NUP188: variants seen among roughly 807,000 people sequenced by gnomAD.
NUP188 encodes nucleoporin NUP188.
In NUP188, 97 loss-of-function variants were observed where a neutral mutation model predicts 223.0. That is an observed-to-expected ratio of 0.43 (90% CI 0.37 to 0.51). The LOEUF is 0.51. NUP188 is among the 20% of genes least tolerant of loss of function. The pLI, the probability that NUP188 is intolerant of heterozygous loss-of-function variation, is 0.00. For missense variants in NUP188, 1,947 were observed against 2,175.6 expected (o/e 0.89, Z 2.09); for synonymous variants, 869 against 828.0 (o/e 1.05, Z -0.85).
In NUP188 at chr9:128,999,766, C is replaced by A; in HGVS notation, c.3804C>A (p.Asp1268Glu). The change falls in exon 34 of 44, where the codon GAC (aspartate) becomes GAA (glutamate). Residue 1268 changes from aspartate to glutamate, a missense_variant. Physicochemically the swap from Asp to Glu is conservative, Grantham distance 45. Transcript: ENST00000372577. ...AGGACAAGGACAGCATGGAGACTGA[C>A]GACTGTTCTCGGTCCCGGCACAGGG... ...ATEDKDSMET[D>E]DCSRSRHRDQ... The A allele has an allele frequency of 6.2e-7, 1 of 1,614,206 alleles. No homozygotes were observed. The highest frequency in any genetic ancestry group is 1.1e-5 in the South Asian group (1 of 91,080).
chr9:129,006,964 G>A lies in NUP188; in HGVS notation c.*286G>A, dbSNP rs8206. 6,216 of 341,282 alleles carry A rather than the reference G, an allele frequency of 0.018. 72 individuals are homozygous for A. Among genetic ancestry groups the A allele is most frequent in the South Asian group, 0.031 (386 of 12,628 alleles). The allele number at this position is 341,282 out of a possible 1,614,324, so 21.1% of individuals were successfully genotyped here. On this transcript the variant is annotated 3_prime_UTR_variant, in exon 44 of 44. Coordinates refer to ENST00000372577, the MANE Select transcript of NUP188 (RefSeq NM_015354.3). Reference sequence around the variant, plus strand: ...TTCCAGCATTCCCCACAGCACTGCCGGCCAGGGGAGAGGCGGCAGCCCAGC... The same window carrying A: ...TTCCAGCATTCCCCACAGCACTGCCAGCCAGGGGAGAGGCGGCAGCCCAGC...
intron 19 of NUP188, 63 bp downstream of exon 19, chr9:128,983,613 T>A: frequency 9.4e-7 from 1 of 1,061,324 alleles, no homozygotes; most frequent in Non-Finnish European, 1.4e-6. Flanking sequence ...GTCTCAGATC[T>A]AGCCTAGGTT....
At chr9:129,002,108 T>A in intron 36 of NUP188, 132 bp downstream of exon 36, 1 of 709,888 alleles carries the variant, frequency 1.4e-6, no homozygotes, top group Non-Finnish European at 2.4e-6. Context: ...TGAGGAATCT[T>A]CCCTGCCCCC....
At chr9:129,005,935 G>C in intron 41 of NUP188, 115 bp from the exon 42 acceptor site, 3 of 1,420,224 alleles carry the variant, frequency 2.1e-6, no homozygotes, top group Non-Finnish European at 2.9e-6. Context: ...ATTACTGTGA[G>C]GATTAAATGA....
At position 128,947,742 on chromosome 9, in the gene NUP188, C is replaced by T. The variant is rs763918130; in HGVS notation, c.23C>T (p.Pro8Leu). 2.7e-5 allele frequency: 40 copies of T among 1,472,024 alleles called. No homozygotes were observed. In the African/African-American group the frequency reaches 4.0e-4, roughly 15 times the overall value. The allele number at this position is 1,472,024 out of a possible 1,614,324, so 91.2% of individuals were successfully genotyped here. MAAAAGG[P>L]CVRSSRELWT... ...AAGATGGCGGCGGCCGCCGGCGGGCCGTGTGTGAGGTGCGGAGCGGGTCGA... is the reference window on the plus strand; with the variant it reads ...AAGATGGCGGCGGCCGCCGGCGGGCTGTGTGTGAGGTGCGGAGCGGGTCGA... Residue 8 changes from proline to leucine, a missense_variant, in exon 1 of 44, where the codon CCG becomes CTG. Around this residue, in one of 3 missense-constraint regions of NUP188, gnomAD observed 817 missense variants for 865.8 expected, o/e 0.94. Transcript: ENST00000372577.
At chr9:128,991,189 G>A (rs1435959808) in intron 25 of NUP188, among the ~76,000 whole-genome samples, 3 of 145,954 alleles carry the variant, frequency 2.1e-5, no homozygotes, top group Non-Finnish European at 4.5e-5. Flanking sequence ...TTTTGAAATA[G>A]GGTCTGGCTA....
Position 128,988,155 on chromosome 9 carries a change from G to C in NUP188, c.2502G>C (p.Val834=). ...GGCTGAAACCTCCTTCTAATGTGGTGTCCCCCCTGGAACAGGCTCTCTCAC... is the reference window on the plus strand; with the variant it reads ...GGCTGAAACCTCCTTCTAATGTGGTCTCCCCCCTGGAACAGGCTCTCTCAC... The part of the protein sequence containing the change: ...VIRLKPPSNV[V]SPLEQALSQH... The change falls in exon 24 of 44, where the codon GTG becomes GTC. Residue 834 remains valine (V), a synonymous_variant. Coordinates refer to ENST00000372577, the MANE Select transcript of NUP188 (RefSeq NM_015354.3). The C allele has an allele frequency of 1.9e-6, 3 of 1,614,066 alleles. No individual in the cohort carries two copies. The South Asian group carries it at 3.3e-5, about 18-fold the overall frequency.
chr9:128,998,417 C>G, intron 31 of NUP188, 121 bp from the exon 32 acceptor site: 5 of 1,039,072 alleles, frequency 4.8e-6, no homozygotes, highest in Non-Finnish European at 7.5e-6. Flanking sequence ...TGGCTTCTCC[C>G]CCTCCACTCC....
Position 128,971,778 on chromosome 9 carries a change from C to A in NUP188, c.1113+820C>A, listed in dbSNP as rs143592800. Among the ~76,000 whole-genome samples the A allele has an allele frequency of 1.3e-3, 192 of 150,428 alleles. 1 individual carries two copies. Among genetic ancestry groups the A allele is most frequent in the African/African-American group, 4.4e-3 (180 of 40,866 alleles). ...AGGTTCAGCAATTATTTTTTCCTTTCCTTTTTCTTTTTTTTGAGACTGAGT... is the reference window on the plus strand; with the variant it reads ...AGGTTCAGCAATTATTTTTTCCTTTACTTTTTCTTTTTTTTGAGACTGAGT... On this transcript the variant is annotated intron_variant, in intron 11 of 43. Transcript: ENST00000372577.
intron 8 of NUP188, among the ~76,000 whole-genome samples, chr9:128,963,274 A>G (rs2131148026): frequency 6.6e-6 from 1 of 151,852 alleles, no homozygotes; most frequent in African/African-American, 2.4e-5. Flanking sequence ...GCTGAGTCGT[A>G]AATGTAAATT....
chr9:129,004,605 C>T (rs964998878), intron 38 of NUP188: 3 of 153,906 alleles, frequency 1.9e-5, no homozygotes, highest in African/African-American at 7.2e-5. Flanking sequence ...CCCGGGTTCA[C>T]GCCATTCTCC....
chr9:128,990,814 G>A (rs1489653557), intron 25 of NUP188, among the ~76,000 whole-genome samples: 1 of 152,194 alleles, frequency 6.6e-6, no homozygotes, highest in African/African-American at 2.4e-5. Flanking sequence ...GCAGTGAGCT[G>A]AGATCGCGCC....
intron 1 of NUP188, 21 bp downstream of exon 1, chr9:128,947,772 AC>A (rs1340566790): frequency 7.1e-7 from 1 of 1,414,278 alleles, no homozygotes; most frequent in East Asian, 2.8e-5. Context: ...GGTCGAATGG[AC>A]CGGGGTGGCT....
At chr9:128,984,147 A>G (rs1448253883) in intron 19 of NUP188, among the ~76,000 whole-genome samples, 6 of 84,736 alleles carry the variant, frequency 7.1e-5, no homozygotes, top group African/African-American at 5.2e-4. Context: ...TTTTTTTGAG[A>G]TGGAGTTGCG....
chr9:128,999,316 A>G lies in NUP188; in HGVS notation c.3660A>G (p.Lys1220=), dbSNP rs757340685. ...CAGTGTTGCAAATGAAGGAGATGAAAGGTGAGGGGCAGAGGCAGGGGGAGC... is the reference window on the plus strand; with the variant it reads ...CAGTGTTGCAAATGAAGGAGATGAAGGGTGAGGGGCAGAGGCAGGGGGAGC... The part of the protein sequence containing the change: ...FITVLQMKEM[K]VSDIPQYSQL... The change falls in exon 33 of 44, where the codon AAA becomes AAG. Residue 1220 remains lysine (K), a splice_region_variant and synonymous_variant. Coordinates refer to ENST00000372577, the MANE Select transcript of NUP188 (RefSeq NM_015354.3). 6.2e-7 allele frequency: 1 copy of G among 1,613,942 alleles called. No individual in the cohort carries two copies. The highest frequency in any genetic ancestry group is 8.5e-7 in the Non-Finnish European group (1 of 1,179,858).
rs137953114 is a variant in NUP188 at position 128,996,477 on chromosome 9, A to G, written c.3351+963A>G. On this transcript the variant is annotated intron_variant, in intron 30 of 43. Coordinates refer to ENST00000372577, the MANE Select transcript of NUP188 (RefSeq NM_015354.3). ...GATTAATCTTTTGACTTCATGAACA[A>G]CTTCAGCTTGATAGATGCCTCCTTT... 3.3e-3 allele frequency among the ~76,000 whole-genome samples: 501 copies of G among 152,162 alleles called. 5 individuals carry two copies. Among genetic ancestry groups the G allele is most frequent in the African/African-American group, 0.011 (465 of 41,508 alleles).
intron 36 of NUP188, 112 bp from the exon 37 acceptor site, chr9:129,002,705 A>G (rs17433017): frequency 0.031 from 36,074 of 1,158,656 alleles, 726 homozygotes; most frequent in Middle Eastern, 0.049. Context: ...GGCTGTGTCT[A>G]TTCTGGGAGA....
At chr9:128,994,813 G>T in intron 28 of NUP188, 43 bp from the exon 29 acceptor site, 1 of 1,502,670 alleles carries the variant, frequency 6.7e-7, no homozygotes, top group Non-Finnish European at 9.3e-7. Flanking sequence ...GGGGAGATCA[G>T]TGATCAGAGA....
chr9:128,998,142 C>T lies in NUP188; in HGVS notation c.3352-9C>T, dbSNP rs745690155. On this transcript the variant is annotated splice_polypyrimidine_tract_variant and intron_variant, in intron 30 of 43. Transcript: ENST00000372577. Reference sequence around the variant, plus strand: ...TTCCCAGCTGAAACCTTTTTCTGTTCCTTTGCAGGCAGATATAATGCACCT... The same window carrying T: ...TTCCCAGCTGAAACCTTTTTCTGTTTCTTTGCAGGCAGATATAATGCACCT... 1.9e-6 allele frequency: 3 copies of T among 1,611,448 alleles called. No individual in the cohort carries two copies. The highest frequency in any genetic ancestry group is 2.5e-6 in the Non-Finnish European group (3 of 1,177,776).
Sources: allele counts gnomAD v4.1 joint callset (sites outside exome capture counted in the v4.1 genomes callset), GRCh38; gene constraint gnomAD v4.1.1; regional missense constraint gnomAD v4.1.1; transcripts MANE v1.5; gene names NCBI Gene and HGNC (gene_info 2026-07-23, HGNC 2026-07-21).